Variants in TACR3 observed in about 807,000 individuals in gnomAD.
TACR3 encodes the protein neuromedin-K receptor.
Under a neutral mutation model 35.0 loss-of-function variants are expected in TACR3, and 34 were observed. The ratio of observed to expected loss-of-function variants is 0.97; its 90% confidence interval spans 0.74 to 1.30. TACR3 has a LOEUF of 1.30. Ranked by LOEUF, TACR3 falls within the 50% of genes most tolerant of loss-of-function variation. The pLI, the probability that TACR3 is intolerant of heterozygous loss-of-function variation, is 0.00. For missense variants in TACR3, 558 were observed against 591.7 expected (o/e 0.94, Z 0.59); for synonymous variants, 233 against 221.1 (o/e 1.05, Z -0.48).
chr4:103,717,840 C>T (rs1401457542), intron 1 of TACR3, among the ~76,000 whole-genome samples: 1 of 151,836 alleles, frequency 6.6e-6, no homozygotes, highest in Non-Finnish European at 1.5e-5. Context: ...CTTTGCACTC[C>T]TATACATAGT....
intron 4 of TACR3, among the ~76,000 whole-genome samples, chr4:103,590,792 C>T (rs144777319): frequency 2.2e-3 from 330 of 152,288 alleles, no homozygotes; most frequent in African/African-American, 7.4e-3. Flanking sequence ...CATGTGCTGA[C>T]CAGTACAACC....
chr4:103,637,922 C>T (rs1725234505), intron 3 of TACR3, among the ~76,000 whole-genome samples: 2 of 151,924 alleles, frequency 1.3e-5, no homozygotes, highest in African/African-American at 4.8e-5. Flanking sequence ...CAAACCACTG[C>T]TCAATGAAAT....
intron 1 of TACR3, among the ~76,000 whole-genome samples, chr4:103,685,851 C>T (rs1259521915): frequency 6.6e-6 from 1 of 152,154 alleles, no homozygotes; most frequent in East Asian, 1.9e-4. Flanking sequence ...TCTACCTCTC[C>T]CTTCCCCAGG....
intron 1 of TACR3, among the ~76,000 whole-genome samples, chr4:103,665,770 C>A (rs143835137): frequency 1.3e-5 from 2 of 152,246 alleles, no homozygotes; most frequent in East Asian, 3.9e-4. Context: ...CAGTACCATA[C>A]CCCATGATTT....
intron 3 of TACR3, among the ~76,000 whole-genome samples, chr4:103,655,391 G>T (rs998369293): frequency 6.6e-6 from 1 of 152,020 alleles, no homozygotes; most frequent in Non-Finnish European, 1.5e-5. Context: ...TAATCAGTAG[G>T]ATTCATTCAT....
chr4:103,636,541 T>G (rs532870183), intron 3 of TACR3, among the ~76,000 whole-genome samples: 1 of 151,840 alleles, frequency 6.6e-6, no homozygotes, highest in Non-Finnish European at 1.5e-5. Flanking sequence ...TCAGTGGTAC[T>G]GGTAACACAT....
intron 1 of TACR3, among the ~76,000 whole-genome samples, chr4:103,668,970 T>C (rs902463361): frequency 1.3e-5 from 2 of 152,200 alleles, no homozygotes; most frequent in Admixed American, 6.5e-5. Flanking sequence ...ATTTATCATT[T>C]CTTTGTGTTT....
At chr4:103,688,699 A>T (rs1455933502) in intron 1 of TACR3, among the ~76,000 whole-genome samples, 1 of 151,434 alleles carries the variant, frequency 6.6e-6, no homozygotes, top group Admixed American at 6.6e-5. Flanking sequence ...CCACAATGAG[A>T]TATCATCTCA....
At chr4:103,596,786 A>G (rs1724035765) in intron 3 of TACR3, among the ~76,000 whole-genome samples, 1 of 149,678 alleles carries the variant, frequency 6.7e-6, no homozygotes, top group African/African-American at 2.5e-5. Context: ...CCAGTGTGTG[A>G]TGTTCCCCTT....
At chr4:103,605,994 T>C (rs1356185305) in intron 3 of TACR3, among the ~76,000 whole-genome samples, 1 of 151,944 alleles carries the variant, frequency 6.6e-6, no homozygotes, top group Non-Finnish European at 1.5e-5. Flanking sequence ...CTTGAATTAA[T>C]TTTTGTATAA....
In TACR3 at chr4:103,702,958, A is replaced by G. The variant is rs560465805; in HGVS notation, c.548+16170T>C. ...GGAGATATACCTAATGTTAAAAGACAAGTTAATGGGTGCAGCACACCAACA... is the reference window on the plus strand; with the variant it reads ...GGAGATATACCTAATGTTAAAAGACGAGTTAATGGGTGCAGCACACCAACA... On this transcript the variant is annotated intron_variant, in intron 1 of 4. Transcript: ENST00000304883. 2.8e-4 allele frequency among the ~76,000 whole-genome samples: 42 copies of G among 151,504 alleles called. 1 individual carries two copies. The highest frequency in any genetic ancestry group is 2.6e-3 in the Admixed American group (39 of 15,230).
chr4:103,590,162 G>A (rs1723863273), intron 4 of TACR3, among the ~76,000 whole-genome samples, 168 bp from the exon 5 acceptor site: 1 of 152,104 alleles, frequency 6.6e-6, no homozygotes, highest in Non-Finnish European at 1.5e-5. Context: ...TAGTCGTTTA[G>A]TTCTTGTTTG....
intron 1 of TACR3, among the ~76,000 whole-genome samples, chr4:103,662,349 T>C (rs1287605379): frequency 1.3e-5 from 2 of 151,820 alleles, no homozygotes; most frequent in Admixed American, 6.6e-5. Context: ...GCCTCCTGAG[T>C]AGCTGGGACT....
At chr4:103,629,760 T>A (rs1351925908) in intron 3 of TACR3, among the ~76,000 whole-genome samples, 1 of 149,532 alleles carries the variant, frequency 6.7e-6, no homozygotes, top group Non-Finnish European at 1.5e-5. Flanking sequence ...AAGCTACCAA[T>A]GACTTTCTTC....
In TACR3 at chr4:103,673,075, C is replaced by T. The variant is rs554513744; in HGVS notation, c.549-14672G>A. Reference sequence around the variant, plus strand: ...ATTGAAAAGAGCTAGATCCTTGACACGTATTAGGCTTTGGCTTAAGGAAAT... The same window carrying T: ...ATTGAAAAGAGCTAGATCCTTGACATGTATTAGGCTTTGGCTTAAGGAAAT... On this transcript the variant is annotated intron_variant, in intron 1 of 4. Transcript: ENST00000304883. Among the ~76,000 whole-genome samples the T allele has an allele frequency of 2.5e-4, 38 of 152,254 alleles. 1 individual carries two copies. Among genetic ancestry groups the T allele is most frequent in the Admixed American group, 2.2e-3 (34 of 15,276 alleles).
chr4:103,594,069 C>A (rs569825956), intron 3 of TACR3, among the ~76,000 whole-genome samples: 1 of 152,174 alleles, frequency 6.6e-6, no homozygotes, highest in South Asian at 2.1e-4. Context: ...TTACTAGTAT[C>A]ATTTGGTTTT....
chr4:103,662,513 C>T (rs549943214), intron 1 of TACR3, among the ~76,000 whole-genome samples: 2 of 152,308 alleles, frequency 1.3e-5, no homozygotes, highest in South Asian at 2.1e-4. Context: ...AGCCACCGCC[C>T]CAGCCTGATG....
rs7659028 is a variant in TACR3, at chr4:103,650,710, A to C, written c.888+5484T>G. 6.6e-4 allele frequency among the ~76,000 whole-genome samples: 32 copies of C among 48,526 alleles called. 1 individual carries two copies. The African/African-American group carries it at 7.5e-3, about 11-fold the overall frequency. 31.8% of individuals were successfully genotyped at this position (48,526 alleles called of 152,430 possible). On this transcript the variant is annotated intron_variant, in intron 3 of 4. Coordinates refer to ENST00000304883, the MANE Select transcript of TACR3 (RefSeq NM_001059.3). Reference sequence around the variant, plus strand: ...TATATAATATATATTTATATATATAAATATATATAAATAAATATATATTAT... The same window carrying C: ...TATATAATATATATTTATATATATACATATATATAAATAAATATATATTAT...
intron 1 of TACR3, among the ~76,000 whole-genome samples, chr4:103,713,270 A>T (rs1162393667): frequency 2.0e-5 from 3 of 152,206 alleles, no homozygotes; most frequent in African/African-American, 7.2e-5. Flanking sequence ...TGTGGCACAT[A>T]TACACTATGG....
Sources: allele counts gnomAD v4.1 joint callset (sites outside exome capture counted in the v4.1 genomes callset), GRCh38; gene constraint gnomAD v4.1.1; transcripts MANE v1.5; gene names NCBI Gene and HGNC (gene_info 2026-07-23, HGNC 2026-07-21).